ELK3: variants seen among roughly 807,000 people sequenced by gnomAD.
ELK3 encodes the protein ETS transcription factor ELK3, also known as ETS domain-containing protein Elk-3.
ELK3 carries 10 observed loss-of-function variants against 28.9 expected under a neutral mutation model. That is an observed-to-expected ratio of 0.35 (90% CI 0.21 to 0.59). The LOEUF (loss-of-function observed/expected upper bound fraction) is 0.59, where lower values mean the gene tolerates loss of function less well. ELK3 is among the 20% of genes least tolerant of loss of function. The pLI is 0.82. For synonymous variants in ELK3, 272 were observed against 243.5 expected (o/e 1.12, Z -1.09); for missense variants, 463 against 517.3 (o/e 0.90, Z 1.02).
chr12:96,231,238 T>TGAGTCTTCC (rs1469946509), intron 2 of ELK3, among the ~76,000 whole-genome samples: 1 of 152,252 alleles, frequency 6.6e-6, no homozygotes, highest in East Asian at 1.9e-4. Flanking sequence ...AGGTTTAAAC[T>TGAGTCTTCC]GAGTCTTCCA....
chr12:96,226,038 G>A (rs1565782564), intron 2 of ELK3, among the ~76,000 whole-genome samples: 1 of 152,094 alleles, frequency 6.6e-6, no homozygotes, highest in Non-Finnish European at 1.5e-5. Flanking sequence ...AGGCTGAGGT[G>A]GGAGGATCAT....
At chr12:96,213,391 T>G (rs1245025099) in intron 1 of ELK3, among the ~76,000 whole-genome samples, 1 of 152,184 alleles carries the variant, frequency 6.6e-6, no homozygotes, top group Admixed American at 6.5e-5. Flanking sequence ...GAGGCAGCCT[T>G]GGATGGAAAT....
At chr12:96,259,033 C>T (rs904049935) in intron 3 of ELK3, among the ~76,000 whole-genome samples, 4 of 152,186 alleles carry the variant, frequency 2.6e-5, no homozygotes, top group African/African-American at 9.6e-5. Context: ...TAGATGTCCA[C>T]TGTAGAAACA....
chr12:96,208,630 G>A (rs1951554629), intron 1 of ELK3, among the ~76,000 whole-genome samples: 1 of 152,198 alleles, frequency 6.6e-6, no homozygotes, highest in Non-Finnish European at 1.5e-5. Flanking sequence ...ACGAGTTTTG[G>A]TGGAGGCAGT....
intron 2 of ELK3, among the ~76,000 whole-genome samples, chr12:96,233,690 A>C (rs1339950399): frequency 6.6e-6 from 1 of 152,228 alleles, no homozygotes; most frequent in East Asian, 1.9e-4. Flanking sequence ...ATTCCTCCAA[A>C]ATAAATTTTG....
chr12:96,197,451 A>G (rs1403892898), intron 1 of ELK3, among the ~76,000 whole-genome samples: 8 of 152,220 alleles, frequency 5.3e-5, no homozygotes, highest in African/African-American at 1.9e-4. Context: ...GCTCTTTAAC[A>G]CGCATTCAGT....
chr12:96,231,500 C>T (rs976936650), intron 2 of ELK3, among the ~76,000 whole-genome samples: 14 of 151,972 alleles, frequency 9.2e-5, no homozygotes, highest in African/African-American at 3.4e-4. Context: ...TTGAATAAGG[C>T]TTTTTTTTGG....
Position 96,247,618 on chromosome 12 carries a change from G to T in ELK3, c.886G>T (p.Gly296Cys), listed in dbSNP as rs756013341. The T allele has an allele frequency of 4.3e-6, 7 of 1,613,552 alleles. No homozygotes were observed. Among genetic ancestry groups the T allele is most frequent in the Non-Finnish European group, 5.9e-6 (7 of 1,180,028 alleles). ...TCCCCCAAAGGCCAAAAAACCCAAA[G>T]GCTTGGAAATCTCAGCGCCCCCGCT... ...SLPPKAKKPK[G>C]LEISAPPLVL... The change falls in exon 3 of 5, where the codon GGC (glycine) becomes TGC (cysteine). Residue 296 changes from glycine to cysteine, a missense_variant. Coordinates refer to ENST00000228741, the MANE Select transcript of ELK3 (RefSeq NM_005230.4). This position sits in a 1 kb window ranked among gnomAD's most constrained non-coding sequence, Gnocchi z 5.5.
At chr12:96,204,724 ATGATCC>A (rs1951529263) in intron 1 of ELK3, among the ~76,000 whole-genome samples, 1 of 152,218 alleles carries the variant, frequency 6.6e-6, no homozygotes. Context: ...CTCAGAGTTA[ATGATCC>A]TGAGGCTCAG....
Position 96,247,376 on chromosome 12 carries a change from C to T in ELK3, c.644C>T (p.Ala215Val). The stretch of plus-strand genomic sequence containing the variant: ...GCTGCGGCGGCGTCCGCCTTCCTGG[C>T]CTCGTCCGTCTCGGCCAAGATCTCC... Reference protein sequence around the residue: ...SEAAAASAFLASSVSAKISSL... With the variant: ...SEAAAASAFLVSSVSAKISSL... Residue 215 changes from alanine (A) to valine (V), a missense_variant, in exon 3 of 5, where the codon GCC becomes GTC. Physicochemically the swap from Ala to Val is moderately conservative, Grantham distance 64. Coordinates refer to ENST00000228741, the MANE Select transcript of ELK3 (RefSeq NM_005230.4). The surrounding 1 kb of genome is among the most constrained non-coding windows in gnomAD (Gnocchi z 5.5). 1.9e-6 allele frequency: 3 copies of T among 1,614,208 alleles called. No individual in the cohort carries two copies. Among genetic ancestry groups the T allele is most frequent in the South Asian group, 2.2e-5 (2 of 91,084 alleles).
chr12:96,242,576 G>T (rs1025220128), intron 2 of ELK3, among the ~76,000 whole-genome samples: 3 of 152,180 alleles, frequency 2.0e-5, no homozygotes, highest in Non-Finnish European at 4.4e-5. Context: ...TCTGGGGGCA[G>T]CCCTGGAAGA....
chr12:96,251,785 A>G (rs1400526401), intron 3 of ELK3, among the ~76,000 whole-genome samples: 1 of 152,238 alleles, frequency 6.6e-6, no homozygotes, highest in East Asian at 1.9e-4. Flanking sequence ...CTGCAGAAGA[A>G]AAGTGTGAAG....
intron 4 of ELK3, 26 bp from the exon 5 acceptor site, chr12:96,267,056 T>C (rs1952037837): frequency 1.3e-6 from 2 of 1,591,810 alleles, no homozygotes; most frequent in South Asian, 1.1e-5. Context: ...GCAATAATTA[T>C]TGTAAAAATC....
In ELK3 at chr12:96,195,430, C is replaced by G. The variant is rs563266944; in HGVS notation, c.-3+725C>G. ...GCAAGAAATGATCTTGGGGCCCCTT[C>G]CACTCCCCATCCCTGTTTACCTTCG... On this transcript the variant is annotated intron_variant, in intron 1 of 4. Coordinates refer to ENST00000228741, the MANE Select transcript of ELK3 (RefSeq NM_005230.4). Among the ~76,000 whole-genome samples the G allele has an allele frequency of 3.3e-5, 5 of 152,306 alleles. No individual in the cohort carries two copies. The East Asian group carries it at 9.7e-4, about 29-fold the overall frequency.
intron 2 of ELK3, among the ~76,000 whole-genome samples, chr12:96,239,242 A>T (rs990235199): frequency 6.6e-6 from 1 of 152,216 alleles, no homozygotes; most frequent in Non-Finnish European, 1.5e-5. Flanking sequence ...ACATATATGC[A>T]TATATACAGT....
At chr12:96,211,019 C>T (rs1405373451) in intron 1 of ELK3, among the ~76,000 whole-genome samples, 3 of 152,210 alleles carry the variant, frequency 2.0e-5, no homozygotes, top group Admixed American at 6.5e-5. Flanking sequence ...GGATATGAGG[C>T]TCTGTTGGCC....
chr12:96,228,200 A>G (rs1951717455), intron 2 of ELK3, among the ~76,000 whole-genome samples: 1 of 152,002 alleles, frequency 6.6e-6, no homozygotes, highest in South Asian at 2.1e-4. Context: ...TGGGTGGATC[A>G]TGAGGTCAAG....
rs570559188 is a variant in ELK3 at position 96,268,847 on chromosome 12, A to G, written c.*1667A>G. The G allele has an allele frequency of 6.6e-6, 1 of 152,312 alleles. No individual in the cohort carries two copies. Among genetic ancestry groups the G allele is most frequent in the East Asian group, 1.9e-4 (1 of 5,188 alleles). The allele number at this position is 152,312 out of a possible 1,614,324, so 9.4% of individuals were successfully genotyped here. A position where few individuals can be genotyped will look rare whatever the true frequency, so the allele number is the denominator to read the frequency against. On this transcript the variant is annotated 3_prime_UTR_variant, in exon 5 of 5. Coordinates refer to ENST00000228741, the MANE Select transcript of ELK3 (RefSeq NM_005230.4). Reference sequence around the variant, plus strand: ...GGATGTGGGCCCTTATCAAGGGATAAAAATCCAAACACTCTAACATGCCTC... The same window carrying G: ...GGATGTGGGCCCTTATCAAGGGATAGAAATCCAAACACTCTAACATGCCTC...
At chr12:96,209,436 C>T (rs938675175) in intron 1 of ELK3, among the ~76,000 whole-genome samples, 1 of 152,158 alleles carries the variant, frequency 6.6e-6, no homozygotes, top group African/African-American at 2.4e-5. Flanking sequence ...GTTTCAGTTT[C>T]TGGATGTGGA....
Sources: allele counts gnomAD v4.1 joint callset (sites outside exome capture counted in the v4.1 genomes callset), GRCh38; gene constraint gnomAD v4.1.1; non-coding constraint Gnocchi (gnomAD v3.1); transcripts MANE v1.5; gene names NCBI Gene and HGNC (gene_info 2026-07-23, HGNC 2026-07-21).